Variants in ERBB2 observed in about 807,000 individuals in gnomAD.
The protein encoded by ERBB2 is receptor tyrosine-protein kinase erbB-2.
ERBB2 carries 61 observed loss-of-function variants against 149.0 expected under a neutral mutation model. The observed-to-expected ratio is 0.41, with a 90% CI of 0.33 to 0.51. The LOEUF (loss-of-function observed/expected upper bound fraction) is 0.51, where lower values mean the gene tolerates loss of function less well. ERBB2 is among the 20% of genes least tolerant of loss of function. The pLI is 0.25. For missense variants in ERBB2, 1,205 were observed against 1,655.1 expected (o/e 0.73, Z 4.72); for synonymous variants, 633 against 678.8 (o/e 0.93, Z 1.05).
intron 12 of ERBB2, 159 bp from the exon 13 acceptor site, chr17:39,716,142 C>G (rs774435956): frequency 1.0e-5 from 10 of 996,664 alleles, no homozygotes; most frequent in Admixed American, 8.4e-5. Flanking sequence ...CTTCCCTCCC[C>G]CTCTGTTTCT....
In ERBB2 at chr17:39,725,807, C is replaced by T. The variant is rs141423785; in HGVS notation, c.2826C>T (p.Pro942=). 18 of 1,613,712 alleles carry T rather than the reference C, an allele frequency of 1.1e-5. No individual in the cohort carries two copies. Among genetic ancestry groups the T allele is most frequent in the Non-Finnish European group, 1.4e-5 (16 of 1,179,910 alleles). Residue 942 remains proline (P), a synonymous_variant, in exon 23 of 27, where the codon CCC becomes CCT. Transcript: ENST00000269571. This position sits in a 1 kb window ranked among gnomAD's most constrained non-coding sequence, Gnocchi z 4.6. ...PDLLEKGERL[P]QPPICTIDVY... Reference sequence around the variant, plus strand: ...TGCTGGAAAAGGGGGAGCGGCTGCCCCAGCCCCCCATCTGCACCATTGATG... The same window carrying T: ...TGCTGGAAAAGGGGGAGCGGCTGCCTCAGCCCCCCATCTGCACCATTGATG...
intron 16 of ERBB2, 136 bp downstream of exon 16, chr17:39,719,970 C>T (rs2059361694): frequency 3.8e-6 from 3 of 796,312 alleles, no homozygotes. Context: ...AACCTCCTGT[C>T]ATTTTCCACT....
upstream of ERBB2, among the ~76,000 whole-genome samples, chr17:39,691,959 C>G (rs181058740): frequency 5.6e-5 from 5 of 88,982 alleles, no homozygotes; most frequent in African/African-American, 2.1e-4. Context: ...ATATATATAT[C>G]TCTTGTGTCT....
At chr17:39,698,283 G>A (rs141849693), upstream of ERBB2, among the ~76,000 whole-genome samples, 7 of 147,520 alleles carry the variant, frequency 4.7e-5, no homozygotes, top group Non-Finnish European at 7.4e-5. Flanking sequence ...TTTTTGACAC[G>A]GAGTCTCACT....
intron 1 of ERBB2, among the ~76,000 whole-genome samples, chr17:39,704,513 C>T (rs1567895270): frequency 6.6e-6 from 1 of 152,120 alleles, no homozygotes; most frequent in Non-Finnish European, 1.5e-5. Flanking sequence ...GCAGAGGTTG[C>T]AGTGAGCCGA....
At chr17:39,708,289 T>C (rs1460057672) in intron 2 of ERBB2, 32 bp from the exon 3 acceptor site, 1 of 1,587,142 alleles carries the variant, frequency 6.3e-7, no homozygotes, top group African/African-American at 1.3e-5. Context: ...GCAGTGTTCC[T>C]ATTTCAGCCC....
At chr17:39,716,095 A>G in intron 12 of ERBB2, 156 bp downstream of exon 12, 3 of 989,282 alleles carry the variant, frequency 3.0e-6, no homozygotes, top group Non-Finnish European at 4.4e-6. Flanking sequence ...GCCTCTTGGC[A>G]TGGCTTCTCT....
At chr17:39,708,011 A>T in intron 2 of ERBB2, 13 of 252,416 alleles carry the variant, frequency 5.2e-5, no homozygotes, top group East Asian at 1.5e-4. Flanking sequence ...AAAAAAAAAA[A>T]TTTGCAGACG....
upstream of ERBB2, among the ~76,000 whole-genome samples, chr17:39,697,358 T>TTG (rs1555612372): frequency 6.8e-6 from 1 of 147,416 alleles, no homozygotes; most frequent in African/African-American, 2.6e-5. Context: ...TGTTTTGTTT[T>TTG]TTTTTTTTTT....
At chr17:39,705,760 C>T (rs2058389706) in intron 1 of ERBB2, among the ~76,000 whole-genome samples, 2 of 152,160 alleles carry the variant, frequency 1.3e-5, no homozygotes. Context: ...ACCTTAGGCT[C>T]CAACTTGCTG....
rs1033535912 is a variant in ERBB2 at position 39,715,846 on chromosome 17, C to G, written c.1420C>G (p.Leu474Val). 3.1e-6 allele frequency: 5 copies of G among 1,612,592 alleles called. No homozygotes were observed. Among genetic ancestry groups the G allele is most frequent in the Non-Finnish European group, 4.2e-6 (5 of 1,180,032 alleles). Reference protein sequence around the residue: ...GLALIHHNTHLCFVHTVPWDQ... With the variant: ...GLALIHHNTHVCFVHTVPWDQ... The stretch of plus-strand genomic sequence containing the variant: ...GGCCCTCATCCACCATAACACCCAC[C>G]TCTGCTTCGTGCACACGGTGCCCTG... The change falls in exon 12 of 27, where the codon CTC (leucine) becomes GTC (valine). Residue 474 changes from leucine (L) to valine (V), a missense_variant. Physicochemically the swap from Leu to Val is conservative, Grantham distance 32. Transcript: ENST00000269571.
chr17:39,712,004 T>C lies in ERBB2; in HGVS notation c.978T>C (p.Asp326=). The C allele has an allele frequency of 6.2e-7, 1 of 1,614,104 alleles. No homozygotes were observed. The highest frequency in any genetic ancestry group is 8.5e-7 in the Non-Finnish European group (1 of 1,180,018). ...ACAACCAAGAGGTGACAGCAGAGGA[T>C]GGAACACAGCGGTGTGAGAAGTGCA... ...PLHNQEVTAE[D]GTQRCEKCSK... is the part of the protein sequence containing the mutation. The change falls in exon 8 of 27, where the codon GAT becomes GAC. Residue 326 remains aspartate, a synonymous_variant. Transcript: ENST00000269571.
chr17:39,723,007 G>A lies in ERBB2; in HGVS notation c.1947-312G>A, dbSNP rs768154073. Among the ~76,000 whole-genome samples the A allele has an allele frequency of 2.0e-5, 3 of 152,138 alleles. No individual in the cohort carries two copies. Among genetic ancestry groups the A allele is most frequent in the Non-Finnish European group, 4.4e-5 (3 of 68,034 alleles). ...CAAAGTGCTAGGATTCCAGGCATGA[G>A]CCACCGCGCCCAGAGTCCTTAGTGA... is the stretch of plus-strand genomic sequence containing the variant. On this transcript the variant is annotated intron_variant, in intron 16 of 26. Coordinates refer to ENST00000269571, the MANE Select transcript of ERBB2 (RefSeq NM_004448.4). The surrounding 1 kb of genome is among the most constrained non-coding windows in gnomAD (Gnocchi z 6.2).
chr17:39,697,084 A>G (rs956364897), upstream of ERBB2, among the ~76,000 whole-genome samples: 1 of 152,114 alleles, frequency 6.6e-6, no homozygotes, highest in African/African-American at 2.4e-5. Context: ...TACATGCCCA[A>G]CTTTTCTCTC....
rs2145515670 is a variant in ERBB2, at chr17:39,710,326, A to C, written c.760-14A>C. The C allele has an allele frequency of 6.2e-7, 1 of 1,613,914 alleles. No homozygotes were observed. Among genetic ancestry groups the C allele is most frequent in the Non-Finnish European group, 8.5e-7 (1 of 1,180,002 alleles). ...CAAAACAGCACAGTGAAAGCCAGCC[A>C]CCTGTCCCCCCAGGCCTGCCTCCAC... On this transcript the variant is annotated splice_polypyrimidine_tract_variant and intron_variant, in intron 6 of 26. Coordinates refer to ENST00000269571, the MANE Select transcript of ERBB2 (RefSeq NM_004448.4).
At chr17:39,690,991 G>A (rs1002261757), upstream of ERBB2, among the ~76,000 whole-genome samples, 1 of 150,202 alleles carries the variant, frequency 6.7e-6, no homozygotes, top group Non-Finnish European at 1.5e-5. Context: ...TCCTGAGATC[G>A]TGCCATTGCA....
upstream of ERBB2, among the ~76,000 whole-genome samples, chr17:39,698,959 A>T (rs1033335629): frequency 2.0e-4 from 18 of 88,972 alleles, no homozygotes; most frequent in South Asian, 9.0e-4. Flanking sequence ...TGTTGAAATT[A>T]AAAAAAAAAA....
In ERBB2 at chr17:39,716,410, G is replaced by A. The variant is rs1384508078; in HGVS notation, c.1623G>A (p.Val541=). The change falls in exon 13 of 27, where the codon GTG becomes GTA. Residue 541 remains valine, a synonymous_variant. Coordinates refer to ENST00000269571, the MANE Select transcript of ERBB2 (RefSeq NM_004448.4). Reference sequence around the variant, plus strand: ...AGTTCCTTCGGGGCCAGGAGTGCGTGGAGGAATGCCGAGTACTGCAGGGGT... The same window carrying A: ...AGTTCCTTCGGGGCCAGGAGTGCGTAGAGGAATGCCGAGTACTGCAGGGGT... ...CSQFLRGQEC[V]EECRVLQGLP... The A allele has an allele frequency of 6.2e-7, 1 of 1,609,334 alleles. No individual in the cohort carries two copies. The highest frequency in any genetic ancestry group is 8.5e-7 in the Non-Finnish European group (1 of 1,176,422).
intron 14 of ERBB2, 138 bp from the exon 15 acceptor site, chr17:39,717,182 G>A: frequency 1.6e-6 from 1 of 624,352 alleles, no homozygotes; most frequent in Non-Finnish European, 2.6e-6. Context: ...AAGAGCAAGG[G>A]TGTTTGTCCC....
Sources: allele counts gnomAD v4.1 joint callset (sites outside exome capture counted in the v4.1 genomes callset), GRCh38; gene constraint gnomAD v4.1.1; non-coding constraint Gnocchi (gnomAD v3.1); transcripts MANE v1.5; gene names NCBI Gene and HGNC (gene_info 2026-07-23, HGNC 2026-07-21).